Variants in MMP16 observed in about 807,000 individuals in gnomAD.
MMP16 encodes matrix metalloproteinase-16.
A neutral mutation model predicts 67.8 loss-of-function variants in MMP16; 12 were observed. The observed-to-expected ratio is 0.18, with a 90% CI of 0.11 to 0.29. The LOEUF (loss-of-function observed/expected upper bound fraction) is 0.29, where lower values mean the gene tolerates loss of function less well. Ranked by LOEUF, MMP16 falls within the 10% of genes least tolerant of loss-of-function variation. The probability of loss-of-function intolerance (pLI) is 1.00; values close to 1 mark genes in which losing one functional copy is unlikely to be tolerated. For missense variants in MMP16, 475 were observed against 765.7 expected, an observed-to-expected ratio of 0.62 and a Z score of 4.48; for synonymous variants, 249 against 255.9, an observed-to-expected ratio of 0.97 and a Z score of 0.26.
intron 1 of MMP16, among the ~76,000 whole-genome samples, chr8:88,310,328 C>T (rs1331248441): frequency 6.6e-6 from 1 of 152,002 alleles, no homozygotes; most frequent in Non-Finnish European, 1.5e-5. Context: ...ATCTCAAAGT[C>T]CAAGGTGCTC....
chr8:88,050,891 GA>G (rs1808262141), intron 8 of MMP16, among the ~76,000 whole-genome samples: 2 of 152,128 alleles, frequency 1.3e-5, no homozygotes, highest in South Asian at 4.1e-4. Flanking sequence ...AGGATTCAGA[GA>G]GATCTCATTT....
At position 88,213,560 on chromosome 8, in the gene MMP16, G is replaced by A. The variant is rs572981261; in HGVS notation, c.133-16254C>T. On this transcript the variant is annotated intron_variant, in intron 1 of 9. Coordinates refer to ENST00000286614, the MANE Select transcript of MMP16 (RefSeq NM_005941.5). ...TAGTTGCCATATAACTGACTTCTCC[G>A]AATTTCCTAAAACTTAGAGCAAAGA... 2.0e-5 allele frequency among the ~76,000 whole-genome samples: 3 copies of A among 152,038 alleles called. No individual in the cohort carries two copies. The South Asian group carries it at 6.2e-4, about 32-fold the overall frequency.
intron 1 of MMP16, among the ~76,000 whole-genome samples, chr8:88,240,672 A>G (rs997940177): frequency 1.3e-5 from 2 of 152,196 alleles, no homozygotes; most frequent in Non-Finnish European, 2.9e-5. Flanking sequence ...AGAACCACTC[A>G]TTAGGCAACA....
intron 4 of MMP16, among the ~76,000 whole-genome samples, chr8:88,155,657 T>G (rs1027415263): frequency 6.6e-6 from 1 of 152,134 alleles, no homozygotes; most frequent in Admixed American, 6.6e-5. Context: ...TCCTTGGCTT[T>G]CATATCATTT....
chr8:88,211,816 C>A (rs1809517003), intron 1 of MMP16, among the ~76,000 whole-genome samples: 1 of 152,168 alleles, frequency 6.6e-6, no homozygotes, highest in South Asian at 2.1e-4. Flanking sequence ...TATTTAACTT[C>A]CCTGCTCAAA....
chr8:88,181,328 T>C (rs367752935), intron 3 of MMP16, among the ~76,000 whole-genome samples: 2 of 152,040 alleles, frequency 1.3e-5, no homozygotes, highest in Non-Finnish European at 2.9e-5. Context: ...TAAGCAATTA[T>C]AGTAAAGTTG....
At chr8:88,113,433 G>GAA (rs1809374658) in intron 6 of MMP16, among the ~76,000 whole-genome samples, 1 of 151,630 alleles carries the variant, frequency 6.6e-6, no homozygotes, top group South Asian at 2.1e-4. Context: ...TGTAATAAAC[G>GAA]AAAGTAGAAA....
In MMP16 at chr8:88,195,279, A is replaced by T. The variant is rs190939005; in HGVS notation, c.281+1879T>A. Among the ~76,000 whole-genome samples the T allele has an allele frequency of 2.8e-3, 420 of 152,190 alleles. 5 individuals carry two copies. The Middle Eastern group carries it at 0.048, about 17-fold the overall frequency. On this transcript the variant is annotated intron_variant, in intron 2 of 9. Transcript: ENST00000286614. ...CTTGCGGAAATGTACCTTTTCTAGG[A>T]CTCCACTTTCTTAAATTTAATAACT...
chr8:88,197,797 T>C (rs1431020338), intron 1 of MMP16, among the ~76,000 whole-genome samples: 2 of 152,168 alleles, frequency 1.3e-5, no homozygotes, highest in African/African-American at 4.8e-5. Context: ...AGATAAACCA[T>C]GTTACTCTAT....
At position 88,238,663 on chromosome 8, in the gene MMP16, T is replaced by TAAAA. The variant is rs34127125; in HGVS notation, c.133-41361_133-41358dup. ...CCTGGGCAACTGTGCAAGACTCTGT[T>TAAAA]AAAAAAAAAAAAAAAAAAAAAAAAA... On this transcript the variant is annotated intron_variant, in intron 1 of 9. Coordinates refer to ENST00000286614, the MANE Select transcript of MMP16 (RefSeq NM_005941.5). Among the ~76,000 whole-genome samples, 23 of 99,882 alleles carry TAAAA rather than the reference T, an allele frequency of 2.3e-4. 1 individual carries two copies. Among genetic ancestry groups the TAAAA allele is most frequent in the African/African-American group, 8.5e-4 (22 of 25,806 alleles). 65.5% of individuals were successfully genotyped at this position (99,882 alleles called of 152,430 possible). A position where few individuals can be genotyped will look rare whatever the true frequency, so the allele number is the denominator to read the frequency against.
At chr8:88,128,940 A>G (rs577512641) in intron 4 of MMP16, among the ~76,000 whole-genome samples, 4 of 151,926 alleles carry the variant, frequency 2.6e-5, no homozygotes, top group Admixed American at 6.6e-5. Context: ...TTGGGTTTAA[A>G]TTCCCAGCTC....
At chr8:88,196,763 T>G (rs143035552) in intron 2 of MMP16, among the ~76,000 whole-genome samples, 1 of 151,958 alleles carries the variant, frequency 6.6e-6, no homozygotes, top group Non-Finnish European at 1.5e-5. Flanking sequence ...ATATTTCCAT[T>G]TGGCCAATTT....
At chr8:88,317,506 C>A (rs1016502641) in intron 1 of MMP16, among the ~76,000 whole-genome samples, 12 of 152,084 alleles carry the variant, frequency 7.9e-5, no homozygotes, top group African/African-American at 2.4e-4. Flanking sequence ...GTAAATATAA[C>A]TTTTATATGC....
chr8:88,220,029 C>A (rs1243041918), intron 1 of MMP16, among the ~76,000 whole-genome samples: 2 of 151,858 alleles, frequency 1.3e-5, no homozygotes, highest in Non-Finnish European at 2.9e-5. Context: ...TCATCTATAC[C>A]CCTTACTCAC....
rs1413616626 is a variant in MMP16, at chr8:88,207,899, A to G, written c.133-10593T>C. ...TGATTTGAGAAAAACTGAAGTCATT[A>G]CATGCCAAAATTAAAGCAAAAGGAA... On this transcript the variant is annotated intron_variant, in intron 1 of 9. Transcript: ENST00000286614. Among the ~76,000 whole-genome samples, 28 of 152,188 alleles carry G rather than the reference A, an allele frequency of 1.8e-4. 1 individual carries two copies. The highest frequency in any genetic ancestry group is 1.8e-3 in the Admixed American group (28 of 15,272).
chr8:88,123,603 T>A (rs975492232), intron 4 of MMP16, among the ~76,000 whole-genome samples: 1 of 151,872 alleles, frequency 6.6e-6, no homozygotes, highest in African/African-American at 2.4e-5. Context: ...TTATGAACTA[T>A]AAATGTCACT....
At chr8:88,173,966 CT>C (rs1808845198) in intron 3 of MMP16, among the ~76,000 whole-genome samples, 3 of 152,102 alleles carry the variant, frequency 2.0e-5, no homozygotes, top group Admixed American at 2.0e-4. Flanking sequence ...AAGTTGAGTT[CT>C]CTTTGAACTC....
At chr8:88,105,771 A>G (rs764702566) in intron 6 of MMP16, among the ~76,000 whole-genome samples, 2 of 151,468 alleles carry the variant, frequency 1.3e-5, no homozygotes, top group Non-Finnish European at 3.0e-5. Flanking sequence ...GACAAAAGAA[A>G]GATTAAAGAC....
chr8:88,269,396 T>C (rs71526930), intron 1 of MMP16, among the ~76,000 whole-genome samples: 6 of 151,936 alleles, frequency 3.9e-5, no homozygotes, highest in Non-Finnish European at 8.8e-5. Context: ...CAAGATAATA[T>C]CTTCACAGAG....
Sources: allele counts gnomAD v4.1 joint callset (sites outside exome capture counted in the v4.1 genomes callset), GRCh38; gene constraint gnomAD v4.1.1; transcripts MANE v1.5; gene names NCBI Gene and HGNC (gene_info 2026-07-23, HGNC 2026-07-21).